RBM33: variants seen among roughly 807,000 people sequenced by gnomAD.
RBM33 encodes the protein RNA-binding protein 33.
RBM33 carries 28 observed loss-of-function variants against 132.6 expected under a neutral mutation model. The ratio of observed to expected loss-of-function variants is 0.21; its 90% CI spans 0.16 to 0.29. The LOEUF is 0.29. Among genes scored for constraint, RBM33 ranks in the 10% least tolerant of loss-of-function variants. The pLI, the probability that RBM33 is intolerant of heterozygous loss-of-function variation, is 1.00. For missense variants in RBM33, 1,291 were observed against 1,518.5 expected, an observed-to-expected ratio of 0.85 and a Z score of 2.49; for synonymous variants, 634 against 593.0, an observed-to-expected ratio of 1.07 and a Z score of -1.01.
At chr7:155,705,792 A>C (rs1043318311) in intron 6 of RBM33, among the ~76,000 whole-genome samples, 2 of 152,182 alleles carry the variant, frequency 1.3e-5, no homozygotes, top group African/African-American at 4.8e-5. Flanking sequence ...GCCAGTGCCC[A>C]TGTTTTCTGT....
chr7:155,756,673 C>T (rs565030484), intron 14 of RBM33, among the ~76,000 whole-genome samples: 18 of 152,126 alleles, frequency 1.2e-4, no homozygotes, highest in South Asian at 8.3e-4. Flanking sequence ...AATCTGAGCA[C>T]GTTGGAAACC....
chr7:155,734,613 T>A (rs939259031), intron 9 of RBM33, among the ~76,000 whole-genome samples: 3 of 152,174 alleles, frequency 2.0e-5, no homozygotes, highest in African/African-American at 4.8e-5. Flanking sequence ...ATCCCTATGT[T>A]TTTCATTTCT....
intron 12 of RBM33, among the ~76,000 whole-genome samples, chr7:155,740,576 G>A (rs187895531): frequency 3.2e-4 from 48 of 152,320 alleles, no homozygotes; most frequent in African/African-American, 1.1e-3. Flanking sequence ...ATTTATTTGT[G>A]GGGTTGTGTT....
chr7:155,656,517 G>T (rs747618247), intron 1 of RBM33, among the ~76,000 whole-genome samples: 1 of 152,038 alleles, frequency 6.6e-6, no homozygotes, highest in Non-Finnish European at 1.5e-5. Flanking sequence ...TTACAACTAC[G>T]TATTTATTTG....
chr7:155,738,004 C>T (rs757081322), intron 10 of RBM33, 56 bp from the exon 11 acceptor site: 22 of 1,462,574 alleles, frequency 1.5e-5, no homozygotes, highest in African/African-American at 2.8e-5. Context: ...GACTGCTTTT[C>T]TGAGAAGCAC....
intron 1 of RBM33, among the ~76,000 whole-genome samples, chr7:155,658,245 TTTTA>T (rs1019420897): frequency 2.6e-5 from 4 of 152,182 alleles, no homozygotes; most frequent in African/African-American, 7.2e-5. Context: ...TTTAAAAATA[TTTTA>T]TCTGATATTA....
At chr7:155,759,415 CTTTTTTTT>C (rs58449648) in intron 14 of RBM33, among the ~76,000 whole-genome samples, 1 of 114,014 alleles carries the variant, frequency 8.8e-6, no homozygotes, top group East Asian at 2.5e-4. Flanking sequence ...TGTTTATGTT[CTTTTTTTT>C]TTTTTTTTTT....
chr7:155,667,562 G>A, intron 2 of RBM33, among the ~76,000 whole-genome samples: 1 of 152,134 alleles, frequency 6.6e-6, no homozygotes, highest in East Asian at 1.9e-4. Context: ...TAATGTGGAA[G>A]AATTCTGTAG....
intron 14 of RBM33, among the ~76,000 whole-genome samples, chr7:155,756,574 C>T (rs556303820): frequency 2.8e-4 from 43 of 152,212 alleles, no homozygotes; most frequent in Middle Eastern, 6.8e-3. Context: ...GTGAGTCTAG[C>T]GCGTTGCAGT....
intron 6 of RBM33, among the ~76,000 whole-genome samples, chr7:155,703,020 T>A (rs1187151608): frequency 6.6e-6 from 1 of 152,124 alleles, no homozygotes; most frequent in African/African-American, 2.4e-5. Flanking sequence ...TGCCCTGATT[T>A]GTGGTGCCTC....
In RBM33 at chr7:155,742,039, C is replaced by A; in HGVS notation, c.2270C>A (p.Thr757Lys). ...VAGSRSSQGK[T>K]EVKVKPASPV... ...GGTTCCAGAAGCTCACAGGGAAAGA[C>A]GGAAGTGAAAGTCAAGCCAGCTAGC... The change falls in exon 13 of 18, where the codon ACG (threonine) becomes AAG (lysine). Residue 757 changes from threonine (T) to lysine (K), a missense_variant. Physicochemically the swap from Thr to Lys is moderately conservative, Grantham distance 78. Transcript: ENST00000401878. The A allele has an allele frequency of 1.2e-6, 2 of 1,613,954 alleles. No homozygotes were observed. The highest frequency in any genetic ancestry group is 1.7e-6 in the Non-Finnish European group (2 of 1,179,892).
intron 5 of RBM33, among the ~76,000 whole-genome samples, chr7:155,681,913 G>T (rs924889473): frequency 1.3e-5 from 2 of 151,712 alleles, no homozygotes; most frequent in Non-Finnish European, 2.9e-5. Context: ...TTGTATTTAG[G>T]TGTCTCAGTA....
intron 3 of RBM33, among the ~76,000 whole-genome samples, chr7:155,673,187 G>C (rs1227955046): frequency 1.3e-5 from 2 of 152,010 alleles, no homozygotes; most frequent in African/African-American, 4.8e-5. Flanking sequence ...CGTTAACATA[G>C]AGTTATTCCT....
chr7:155,734,365 T>C (rs761610657), intron 9 of RBM33, among the ~76,000 whole-genome samples: 3 of 152,244 alleles, frequency 2.0e-5, no homozygotes, highest in Non-Finnish European at 2.9e-5. Flanking sequence ...TCATCAAACC[T>C]GCTTGTGGTT....
At chr7:155,663,029 T>G (rs758566956) in intron 1 of RBM33, among the ~76,000 whole-genome samples, 2 of 152,200 alleles carry the variant, frequency 1.3e-5, no homozygotes, top group Non-Finnish European at 2.9e-5. Flanking sequence ...TCTTTTCATT[T>G]GTTGTATGTC....
At chr7:155,705,807 C>G (rs1291308624) in intron 6 of RBM33, among the ~76,000 whole-genome samples, 1 of 152,182 alleles carries the variant, frequency 6.6e-6, no homozygotes, top group Non-Finnish European at 1.5e-5. Flanking sequence ...TTCTGTATCC[C>G]TAAAGCATTG....
intron 3 of RBM33, 62 bp downstream of exon 3, chr7:155,672,977 C>A: frequency 1.7e-6 from 2 of 1,150,038 alleles, no homozygotes; most frequent in South Asian, 1.5e-5. Context: ...TAACATACAG[C>A]AGTAATCACT....
Position 155,678,701 on chromosome 7 carries a change from CATT to C in RBM33, c.248+20_248+22del. 1 of 1,269,730 alleles carries C rather than the reference CATT, an allele frequency of 7.9e-7. No individual in the cohort carries two copies. Among genetic ancestry groups the C allele is most frequent in the Non-Finnish European group, 1.1e-6 (1 of 895,086 alleles). 78.7% of individuals were successfully genotyped at this position (1,269,730 alleles called of 1,614,324 possible). ...AAATTTCAGGTACTCAATATTACCT[CATT>C]ATAAATGTTCTTTATTTAACTAAAT... On this transcript the variant is annotated intron_variant, in intron 4 of 17. Transcript: ENST00000401878.
intron 1 of RBM33, among the ~76,000 whole-genome samples, chr7:155,661,950 G>T (rs1798662971): frequency 1.3e-5 from 2 of 152,004 alleles, no homozygotes; most frequent in Admixed American, 1.3e-4. Context: ...TTGAAGTCTG[G>T]ACATTTTAGA....
Sources: gnomAD v4.1 joint callset for allele counts (sites outside exome capture counted in the v4.1 genomes callset) on GRCh38, gnomAD v4.1.1 for gene constraint, MANE v1.5 for transcripts, NCBI Gene and HGNC (gene_info 2026-07-23, HGNC 2026-07-21) for gene names.